The following RBFOX2 variants were observed in gnomAD, a reference collection of about 807,000 sequenced individuals.
The protein encoded by RBFOX2 is RNA binding fox-1 homolog 2, also known as RNA binding protein fox-1 homolog 2.
RBFOX2 carries 10 observed loss-of-function variants against 49.1 expected under a neutral mutation model. The ratio of observed to expected loss-of-function variants is 0.20; its 90% CI spans 0.13 to 0.35. RBFOX2 has a LOEUF of 0.35. Ranked by LOEUF, RBFOX2 falls within the 10% of genes least tolerant of loss-of-function variation. The pLI is 1.00. For synonymous variants in RBFOX2, 183 were observed against 187.4 expected (o/e 0.98, Z 0.19); for missense variants, 323 against 486.9 (o/e 0.66, Z 3.17).
intron 4 of RBFOX2, among the ~76,000 whole-genome samples, chr22:35,769,265 GA>G (rs1941963367): frequency 1.3e-5 from 2 of 152,102 alleles, no homozygotes; most frequent in Admixed American, 1.3e-4. Flanking sequence ...CTATTCAGTA[GA>G]AAAAGGATAT....
intron 1 of RBFOX2, among the ~76,000 whole-genome samples, chr22:35,834,822 C>T (rs1449643876): frequency 6.6e-6 from 1 of 152,096 alleles, no homozygotes; most frequent in Admixed American, 6.5e-5. Context: ...TGCAGGGTCA[C>T]AGGATTTTAT....
chr22:35,999,638 G>A (rs1483099806), intron 1 of RBFOX2: 1 of 152,136 alleles, frequency 6.6e-6, no homozygotes, highest in Non-Finnish European at 1.5e-5. Context: ...TTGGTTAGGA[G>A]ATGAAAGATA....
intron 1 of RBFOX2, chr22:35,824,170 C>T (rs1284011718): frequency 6.6e-6 from 1 of 151,882 alleles, no homozygotes; most frequent in African/African-American, 2.4e-5. Flanking sequence ...AAAAAAAAAC[C>T]CTAAATATGT....
rs576861018 is a variant in RBFOX2, at chr22:36,003,812, G to A, written c.186+24428C>T. On this transcript the variant is annotated intron_variant, in intron 1 of 13. Transcript: ENST00000438146. ...ACTAAGTGGAAGAATAAATGGATGT[G>A]CAGAGTTCTACAAAGCAGAGTAGAA... Among the ~76,000 whole-genome samples, 18 of 152,326 alleles carry A rather than the reference G, an allele frequency of 1.2e-4. No homozygotes were observed. The East Asian group carries it at 3.5e-3, about 29-fold the overall frequency.
At chr22:35,980,863 C>T (rs977851167) in intron 1 of RBFOX2, among the ~76,000 whole-genome samples, 1 of 152,118 alleles carries the variant, frequency 6.6e-6, no homozygotes, top group Non-Finnish European at 1.5e-5. Flanking sequence ...TCCTTGAAAA[C>T]AAAATACCAT....
intron 1 of RBFOX2, among the ~76,000 whole-genome samples, chr22:36,007,700 G>A (rs2058668764): frequency 6.6e-6 from 1 of 152,058 alleles, no homozygotes; most frequent in Non-Finnish European, 1.5e-5. Context: ...GCAACCGCTG[G>A]GGAGTCTTGT....
At chr22:35,984,306 C>T (rs138969304) in intron 1 of RBFOX2, among the ~76,000 whole-genome samples, 17 of 152,168 alleles carry the variant, frequency 1.1e-4, no homozygotes, top group African/African-American at 3.1e-4. Context: ...GTGATTCTAA[C>T]GCACAGTTGG....
At chr22:36,028,273 C>T (rs961714145) in exon 1 of RBFOX2, 2 of 1,535,588 alleles carry the variant, frequency 1.3e-6, no homozygotes, top group African/African-American at 1.4e-5. Context: ...CCGCCGCCTC[C>T]TCAGTGCGCG....
chr22:35,807,015 G>T (rs1950874588), intron 2 of RBFOX2, among the ~76,000 whole-genome samples: 1 of 152,140 alleles, frequency 6.6e-6, no homozygotes, highest in Admixed American at 6.5e-5. Flanking sequence ...TGTTGGTCAG[G>T]CTGGTCTGAA....
intron 1 of RBFOX2, among the ~76,000 whole-genome samples, chr22:35,846,572 C>A (rs2041245940): frequency 6.6e-6 from 1 of 151,462 alleles, no homozygotes; most frequent in South Asian, 2.1e-4. Context: ...CATGGTGAAA[C>A]CCTGTCTCTA....
chr22:35,869,590 C>T (rs1439649087), intron 1 of RBFOX2, among the ~76,000 whole-genome samples: 1 of 146,848 alleles, frequency 6.8e-6, no homozygotes, highest in African/African-American at 2.5e-5. Flanking sequence ...TCTGAAAGTG[C>T]TGGGATTCTA....
chr22:35,784,684 G>A (rs1021164621), intron 2 of RBFOX2, among the ~76,000 whole-genome samples: 7 of 152,236 alleles, frequency 4.6e-5, no homozygotes, highest in African/African-American at 7.2e-5. Flanking sequence ...TTTAGAAGCC[G>A]CGGACCAAGT....
At chr22:35,807,100 G>T (rs1164671105) in intron 2 of RBFOX2, among the ~76,000 whole-genome samples, 1 of 152,046 alleles carries the variant, frequency 6.6e-6, no homozygotes, top group Non-Finnish European at 1.5e-5. Flanking sequence ...CACCCCACCT[G>T]GCCCTTTCTT....
At position 35,926,870 on chromosome 22, in the gene RBFOX2, G is replaced by T. The variant is rs1361382945; in HGVS notation, c.-34+11977C>A. 2.0e-5 allele frequency among the ~76,000 whole-genome samples: 3 copies of T among 152,094 alleles called. No individual in the cohort carries two copies. The East Asian group carries it at 5.8e-4, about 29-fold the overall frequency. Reference sequence around the variant, plus strand: ...AGAAACTTGGGCCCAGAGATGAGAAGATGAGAAGAGACTTTCTGGGTTACC... The same window carrying T: ...AGAAACTTGGGCCCAGAGATGAGAATATGAGAAGAGACTTTCTGGGTTACC... On this transcript the variant is annotated intron_variant, in intron 1 of 13. Transcript: ENST00000359369.
intron 1 of RBFOX2, among the ~76,000 whole-genome samples, chr22:35,974,195 C>CTTGG (rs1318911177): frequency 5.3e-5 from 8 of 152,226 alleles, no homozygotes; most frequent in Admixed American, 3.9e-4. Flanking sequence ...AATCAAAACT[C>CTTGG]TTGGCCCTGC....
intron 8 of RBFOX2, among the ~76,000 whole-genome samples, chr22:35,760,982 C>T (rs1454759430): frequency 6.6e-6 from 1 of 152,206 alleles, no homozygotes. Flanking sequence ...GCCCTTACCC[C>T]CTCTACCTTT....
chr22:35,890,401 G>A (rs992873154), intron 1 of RBFOX2, among the ~76,000 whole-genome samples: 3 of 152,104 alleles, frequency 2.0e-5, no homozygotes, highest in Non-Finnish European at 4.4e-5. Context: ...GTTAGGCACA[G>A]TAAGAGATTA....
chr22:35,897,379 T>C, intron 1 of RBFOX2: 1 of 1,099,434 alleles, frequency 9.1e-7, no homozygotes, highest in South Asian at 1.2e-5. Flanking sequence ...GTTGCCTGAA[T>C]ACCAAGGTCT....
intron 4 of RBFOX2, among the ~76,000 whole-genome samples, chr22:35,775,857 A>AAAAAAG (rs1555896208): frequency 4.7e-5 from 7 of 150,360 alleles, no homozygotes; most frequent in African/African-American, 1.5e-4. Context: ...AAAAAAAAAA[A>AAAAAAG]AAAAGAAAAG....
Sources: allele counts gnomAD v4.1 joint callset (sites outside exome capture counted in the v4.1 genomes callset), GRCh38; gene constraint gnomAD v4.1.1; transcripts MANE v1.5; gene names NCBI Gene and HGNC (gene_info 2026-07-23, HGNC 2026-07-21).